PTTG1IP: variants seen among roughly 807,000 people sequenced by gnomAD.
PTTG1IP encodes the protein PTTG1 interacting protein.
Under a neutral mutation model 24.4 loss-of-function variants are expected in PTTG1IP, and 16 were observed. The ratio of observed to expected loss-of-function variants is 0.66; its 90% CI spans 0.44 to 1.00. The LOEUF (loss-of-function observed/expected upper bound fraction) is 1.00. Among genes scored for constraint, PTTG1IP ranks in the 50% least tolerant of loss-of-function variants. PTTG1IP has a pLI of 0.00. For missense variants in PTTG1IP, 241 were observed against 245.8 expected, an observed-to-expected ratio of 0.98 and a Z score of 0.13; for synonymous variants, 89 against 96.8, an observed-to-expected ratio of 0.92 and a Z score of 0.47.
At position 44,861,296 on chromosome 21, in the gene PTTG1IP, G is replaced by T. The variant is rs369693004; in HGVS notation, c.169-25C>A. 7.6e-6 allele frequency: 12 copies of T among 1,580,524 alleles called. No individual in the cohort carries two copies. In the African/African-American group the frequency reaches 1.5e-4, roughly 20 times the overall value. On this transcript the variant is annotated intron_variant, in intron 2 of 5. Transcript: ENST00000330938. ...ACTGAAAGAGACCAACATTAAGCAAGCATTAGAAACAACAGAAAAACCAAA... is the reference window on the plus strand; with the variant it reads ...ACTGAAAGAGACCAACATTAAGCAATCATTAGAAACAACAGAAAAACCAAA...
chr21:44,870,893 T>C (rs956055791), intron 1 of PTTG1IP, among the ~76,000 whole-genome samples: 1 of 152,238 alleles, frequency 6.6e-6, no homozygotes, highest in African/African-American at 2.4e-5. Flanking sequence ...TTCCTGAAGT[T>C]TCAGGTGAGT....
rs1478095055 is a variant in PTTG1IP at position 44,850,691 on chromosome 21, C to G, written c.*890G>C. 6.6e-6 allele frequency: 1 copy of G among 152,318 alleles called. No individual in the cohort carries two copies. Among genetic ancestry groups the G allele is most frequent in the Non-Finnish European group, 1.5e-5 (1 of 68,096 alleles). 9.4% of individuals were successfully genotyped at this position (152,318 alleles called of 1,614,324 possible). On this transcript the variant is annotated 3_prime_UTR_variant, in exon 6 of 6. Transcript: ENST00000330938. ...GCCACCCCCCAGACAGCCCAACAGG[C>G]AGCGAGAGGCCTGCAGGCACTGAGG... is the stretch of plus-strand genomic sequence containing the variant.
At chr21:44,853,232 G>A (rs1182680186) in intron 5 of PTTG1IP, among the ~76,000 whole-genome samples, 1 of 152,248 alleles carries the variant, frequency 6.6e-6, no homozygotes, top group African/African-American at 2.4e-5. Flanking sequence ...GTCTGGCTGG[G>A]TGTGGTGGCT....
chr21:44,862,116 CCCATGCCACAGCAGTACACAA>C (rs2083496620), intron 2 of PTTG1IP, among the ~76,000 whole-genome samples: 1 of 152,224 alleles, frequency 6.6e-6, no homozygotes, highest in African/African-American at 2.4e-5. Context: ...CTGGGCCCAG[CCCATGCCACAGCAGTACACAA>C]CGAGGCCCGA....
chr21:44,873,661 A>C lies in PTTG1IP; in HGVS notation c.-45T>G. 1.5e-6 allele frequency: 2 copies of C among 1,319,976 alleles called. No individual in the cohort carries two copies. The highest frequency in any genetic ancestry group is 3.7e-5 in the Admixed American group (1 of 26,730). The allele number at this position is 1,319,976 out of a possible 1,614,324, so 81.8% of individuals were successfully genotyped here. On this transcript the variant is annotated 5_prime_UTR_variant, in exon 1 of 6. Coordinates refer to ENST00000330938, the MANE Select transcript of PTTG1IP (RefSeq NM_004339.4). ...CAGTCAGTGGAGCGTTACAACTCCG[A>C]CTCCAGCACAAGCGGTCTCCGCCCG...
chr21:44,866,909 AAAG>A (rs2083546383), intron 1 of PTTG1IP, among the ~76,000 whole-genome samples: 1 of 152,256 alleles, frequency 6.6e-6, no homozygotes, highest in African/African-American at 2.4e-5. Flanking sequence ...AACCATTTGC[AAAG>A]AAGGTCTGGC....
At position 44,872,014 on chromosome 21, in the gene PTTG1IP, T is replaced by C. The variant is rs370830594; in HGVS notation, c.115+1488A>G. Among the ~76,000 whole-genome samples the C allele has an allele frequency of 1.3e-3, 192 of 152,280 alleles. 8 individuals carry two copies. The South Asian group carries it at 0.038, about 30-fold the overall frequency. On this transcript the variant is annotated intron_variant, in intron 1 of 5. Coordinates refer to ENST00000330938, the MANE Select transcript of PTTG1IP (RefSeq NM_004339.4). ...CACCCATCTCTGCACCCTTCAGCAGTGCAGAGCAGGAGGAATCACAGTCAA... is the reference window on the plus strand; with the variant it reads ...CACCCATCTCTGCACCCTTCAGCAGCGCAGAGCAGGAGGAATCACAGTCAA...
rs1038628804 is a variant in PTTG1IP at position 44,873,598 on chromosome 21, G to C, written c.19C>G (p.Arg7Gly). Residue 7 changes from arginine (R) to glycine (G), a missense_variant, in exon 1 of 6, where the codon CGC (arginine) becomes GGC (glycine). Transcript: ENST00000330938. ...AACCTCCAGTACGGCGTCGGCCCGC[G>C]GGCCACTCCGGGCGCCATGGTCGGC... is the stretch of plus-strand genomic sequence containing the variant. MAPGVA[R>G]GPTPYWRLRL... 1.2e-5 allele frequency: 17 copies of C among 1,443,078 alleles called. No homozygotes were observed. Among genetic ancestry groups the C allele is most frequent in the African/African-American group, 4.5e-5 (3 of 67,384 alleles). 89.4% of individuals were successfully genotyped at this position (1,443,078 alleles called of 1,614,324 possible). A position where few individuals can be genotyped will look rare whatever the true frequency, so the allele number is the denominator to read the frequency against.
intron 2 of PTTG1IP, among the ~76,000 whole-genome samples, chr21:44,863,166 C>T (rs1305004387): frequency 3.3e-5 from 5 of 149,844 alleles, no homozygotes; most frequent in African/African-American, 1.2e-4. Context: ...AGACACAGCC[C>T]ACCACGGCCT....
chr21:44,873,611 C>A lies in PTTG1IP; in HGVS notation c.6G>T (p.Ala2=), dbSNP rs1270787115. 6.3e-6 allele frequency: 9 copies of A among 1,431,794 alleles called. No homozygotes were observed. Among genetic ancestry groups the A allele is most frequent in the South Asian group, 2.7e-5 (2 of 72,750 alleles). The allele number at this position is 1,431,794 out of a possible 1,614,324, so 88.7% of individuals were successfully genotyped here. ...GCGTCGGCCCGCGGGCCACTCCGGG[C>A]GCCATGGTCGGCCGGTCGCTCTATC... M[A]PGVARGPTPY... is the part of the protein sequence containing the mutation. Residue 2 remains alanine (A), a synonymous_variant, in exon 1 of 6, where the codon GCG becomes GCT. Transcript: ENST00000330938.
At chr21:44,867,701 A>C (rs1373828430) in intron 1 of PTTG1IP, among the ~76,000 whole-genome samples, 1 of 152,252 alleles carries the variant, frequency 6.6e-6, no homozygotes, top group Non-Finnish European at 1.5e-5. Context: ...ACCTGGACAA[A>C]TGCAACACAG....
In PTTG1IP at chr21:44,866,374, AAC is replaced by A. The variant is rs761076398; in HGVS notation, c.116-929_116-928del. On this transcript the variant is annotated intron_variant, in intron 1 of 5. Transcript: ENST00000330938. ...CACAGACTGCCTACTCCAATCCCATAACACACACACACACACACACACACAGA... is the reference window on the plus strand; with the variant it reads ...CACAGACTGCCTACTCCAATCCCATAACACACACACACACACACACACAGA... Among the ~76,000 whole-genome samples the A allele has an allele frequency of 1.7e-3, 74 of 44,754 alleles. 4 individuals are homozygous for A. The highest frequency in any genetic ancestry group is 3.9e-3 in the South Asian group (5 of 1,274). The allele number at this position is 44,754 out of a possible 152,430, so 29.4% of individuals were successfully genotyped here.
chr21:44,851,165 T>C lies in PTTG1IP; in HGVS notation c.*416A>G, dbSNP rs8128845. On this transcript the variant is annotated 3_prime_UTR_variant, in exon 6 of 6. Transcript: ENST00000330938. ...GATGAGGGCTGGTCAGTTCTCCTCA[T>C]GACAAAAGTCAAACCGACTTCCCTG... 4.6e-6 allele frequency: 3 copies of C among 650,848 alleles called. No individual in the cohort carries two copies. Among genetic ancestry groups the C allele is most frequent in the South Asian group, 2.2e-5 (1 of 44,966 alleles). The allele number at this position is 650,848 out of a possible 1,614,324, so 40.3% of individuals were successfully genotyped here. A position where few individuals can be genotyped will look rare whatever the true frequency, so the allele number is the denominator to read the frequency against.
intron 1 of PTTG1IP, among the ~76,000 whole-genome samples, chr21:44,867,847 C>G (rs2083554502): frequency 6.6e-6 from 1 of 152,230 alleles, no homozygotes; most frequent in Non-Finnish European, 1.5e-5. Flanking sequence ...CAATTTCACT[C>G]ATTACGTTTA....
At chr21:44,861,617 T>C in intron 2 of PTTG1IP, 1 of 671,584 alleles carries the variant, frequency 1.5e-6, no homozygotes, top group South Asian at 1.6e-5. Context: ...AGCCTGCCGG[T>C]TCTGCCTGGA....
At chr21:44,861,093 C>T (rs914209929) in intron 3 of PTTG1IP, 70 bp downstream of exon 3, 5 of 1,387,110 alleles carry the variant, frequency 3.6e-6, no homozygotes, top group East Asian at 2.3e-5. Flanking sequence ...TGAGCCACCG[C>T]GCCCGGCCCA....
chr21:44,866,680 A>ACAC (rs2083544044), intron 1 of PTTG1IP, among the ~76,000 whole-genome samples: 1 of 145,082 alleles, frequency 6.9e-6, no homozygotes, highest in African/African-American at 2.6e-5. Context: ...CCAATCCCAT[A>ACAC]ACACACACAC....
In PTTG1IP at chr21:44,861,324, A is replaced by G. The variant is rs2083490338; in HGVS notation, c.169-53T>C. On this transcript the variant is annotated intron_variant, in intron 2 of 5. Transcript: ENST00000330938. ...TTAGAAACAACAGAAAAACCAAAGA[A>G]CTGTCCAGGCTCTGCCCACAGCCCG... The G allele has an allele frequency of 1.2e-5, 18 of 1,486,022 alleles. No homozygotes were observed. In the South Asian group the frequency reaches 2.1e-4, roughly 17 times the overall value. 92.1% of individuals were successfully genotyped at this position (1,486,022 alleles called of 1,614,324 possible).
At chr21:44,853,368 C>T (rs1196289696) in intron 5 of PTTG1IP, among the ~76,000 whole-genome samples, 1 of 151,916 alleles carries the variant, frequency 6.6e-6, no homozygotes, top group Non-Finnish European at 1.5e-5. Context: ...ATTAGCTGGG[C>T]GTAGTGGTGG....
Sources: gnomAD v4.1 joint callset for allele counts (sites outside exome capture counted in the v4.1 genomes callset) on GRCh38, gnomAD v4.1.1 for gene constraint, MANE v1.5 for transcripts, NCBI Gene and HGNC (gene_info 2026-07-23, HGNC 2026-07-21) for gene names.